The following TRPM8 variants were observed in gnomAD, a reference collection of about 807,000 sequenced individuals.
The protein encoded by TRPM8 is TRPM8 cationic channel.
TRPM8 carries 110 observed loss-of-function variants against 133.7 expected under a neutral mutation model. The ratio of observed to expected loss-of-function variants is 0.82; its 90% CI spans 0.70 to 0.96. The LOEUF (loss-of-function observed/expected upper bound fraction) is 0.96, where lower values mean the gene tolerates loss of function less well. Ranked by LOEUF, TRPM8 falls within the 40% of genes least tolerant of loss-of-function variation. TRPM8 has a pLI of 0.00. For missense variants in TRPM8, 1,291 were observed against 1,379.5 expected (o/e 0.94, Z 1.02); for synonymous variants, 535 against 532.3 (o/e 1.01, Z -0.07).
chr2:233,970,331 T>C lies in TRPM8; in HGVS notation c.2260T>C (p.Tyr754His), dbSNP rs1286988090. 1.9e-6 allele frequency: 3 copies of C among 1,614,206 alleles called. No homozygotes were observed. The highest frequency in any genetic ancestry group is 2.2e-5 in the South Asian group (2 of 91,080). Residue 754 changes from tyrosine (Y) to histidine (H), a missense_variant, in exon 17 of 26, where the codon TAC (tyrosine) becomes CAC (histidine). This residue lies in a region of TRPM8 where 963 missense variants were observed against 968.9 expected (regional missense o/e 0.99). Transcript: ENST00000324695. ...FYIAFLLLFAYVLLMDFHSVP... is the reference protein window; with the variant it reads ...FYIAFLLLFAHVLLMDFHSVP... Reference sequence around the variant, plus strand: ...CATCGCCTTCCTCCTGCTGTTTGCCTACGTGCTGCTCATGGATTTCCATTC... The same window carrying C: ...CATCGCCTTCCTCCTGCTGTTTGCCCACGTGCTGCTCATGGATTTCCATTC...
rs1692984409 is a variant in TRPM8 at position 234,017,447 on chromosome 2, G to A, written c.*191G>A. ...GTGTGTGATTGGTTTCATACTTGAA[G>A]ACGGATATAAAGGAAGAATATTTCC... On this transcript the variant is annotated 3_prime_UTR_variant, in exon 26 of 26. Coordinates refer to ENST00000324695, the MANE Select transcript of TRPM8 (RefSeq NM_024080.5). The A allele has an allele frequency of 2.2e-6, 1 of 455,010 alleles. No homozygotes were observed. Among genetic ancestry groups the A allele is most frequent in the Non-Finnish European group, 4.5e-6 (1 of 220,816 alleles). The allele number at this position is 455,010 out of a possible 1,614,324, so 28.2% of individuals were successfully genotyped here. A position where few individuals can be genotyped will look rare whatever the true frequency, so the allele number is the denominator to read the frequency against.
At position 233,939,061 on chromosome 2, in the gene TRPM8, C is replaced by A; in HGVS notation, c.412C>A (p.His138Asn). ...ILYELLTQHW[H>N]LKTPNLVISV... ...TTACGAGCTGCTGACCCAGCACTGG[C>A]ACCTGAAAACACCCAACCTGGTCAT... Residue 138 changes from histidine (H) to asparagine (N), a missense_variant, in exon 5 of 26, where the codon CAC becomes AAC. Coordinates refer to ENST00000324695, the MANE Select transcript of TRPM8 (RefSeq NM_024080.5). The A allele has an allele frequency of 6.2e-7, 1 of 1,614,240 alleles. No homozygotes were observed. Among genetic ancestry groups the A allele is most frequent in the Non-Finnish European group, 8.5e-7 (1 of 1,180,052 alleles).
chr2:233,977,944 A>T (rs1185327640), intron 17 of TRPM8, among the ~76,000 whole-genome samples: 1 of 152,248 alleles, frequency 6.6e-6, no homozygotes, highest in Non-Finnish European at 1.5e-5. Context: ...GTGGGACTAC[A>T]TAAAGAATAA....
chr2:234,006,716 C>A, intron 22 of TRPM8, 137 bp from the exon 23 acceptor site: 1 of 594,406 alleles, frequency 1.7e-6, no homozygotes, highest in Admixed American at 2.8e-5. Context: ...TAGGAAGTAA[C>A]ATCAGTCAAA....
chr2:233,946,000 G>A lies in TRPM8; in HGVS notation c.844G>A (p.Glu282Lys), dbSNP rs1377856101. ...CGAAGCAAAGCTCCGGAATCAGCTA[G>A]AGAAGTATATCTCTGAGCGCACTAT... ...TVEAKLRNQL[E>K]KYISERTIQD... is the part of the protein sequence containing the mutation. The change falls in exon 7 of 26, where the codon GAG becomes AAG. Residue 282 changes from glutamate (E) to lysine (K), a missense_variant. Glu to Lys is a moderately conservative substitution (Grantham distance 56). Transcript: ENST00000324695. The A allele has an allele frequency of 6.2e-7, 1 of 1,614,152 alleles. No homozygotes were observed. The highest frequency in any genetic ancestry group is 1.3e-5 in the African/African-American group (1 of 75,064).
intron 2 of TRPM8, among the ~76,000 whole-genome samples, chr2:233,927,912 C>CTTTCTTTCTT (rs1559516653): frequency 1.1e-4 from 3 of 28,326 alleles, no homozygotes; most frequent in East Asian, 1.3e-3. Context: ...CTTTCTTTCT[C>CTTTCTTTCTT]TCTCTCTCTC....
rs138993210 is a variant in TRPM8, at chr2:233,939,165, G to T, written c.516G>T (p.Ala172=). Residue 172 remains alanine, a synonymous_variant, in exon 5 of 26, where the codon GCG becomes GCT. Transcript: ENST00000324695. ...TCTTCAGCCGGCTCATCTACATCGC[G>T]CAGTCCAAAGGTGAGGGTGGGAGCA... The part of the protein sequence containing the change: ...RKIFSRLIYI[A]QSKGAWILTG... 6,490 of 1,614,016 alleles carry T rather than the reference G, an allele frequency of 4.0e-3. 24 individuals carry two copies. The highest frequency in any genetic ancestry group is 4.3e-3 in the Non-Finnish European group (5,019 of 1,180,034).
At chr2:233,998,031 G>T (rs115707855) in intron 22 of TRPM8, among the ~76,000 whole-genome samples, 28 of 152,280 alleles carry the variant, frequency 1.8e-4, no homozygotes, top group Non-Finnish European at 2.9e-4. Flanking sequence ...ATGCAGGGAG[G>T]AAGGGGCCTG....
Position 233,926,619 on chromosome 2 carries a change from G to A in TRPM8, c.82G>A (p.Ala28Thr), listed in dbSNP as rs199755852. ...LDSTRTLYSSASRSTDLSYSE... is the reference protein window; with the variant it reads ...LDSTRTLYSSTSRSTDLSYSE... Reference sequence around the variant, plus strand: ...CAGCACCCGGACCCTGTACTCCAGCGCGTCTCGGAGCACAGACTTGTCTTA... The same window carrying A: ...CAGCACCCGGACCCTGTACTCCAGCACGTCTCGGAGCACAGACTTGTCTTA... The change falls in exon 2 of 26, where the codon GCG (alanine) becomes ACG (threonine). Residue 28 changes from alanine to threonine, a missense_variant. This residue lies in a region of TRPM8 where 963 missense variants were observed against 968.9 expected (regional missense o/e 0.99). Transcript: ENST00000324695. 286 of 1,614,100 alleles carry A rather than the reference G, an allele frequency of 1.8e-4. No individual in the cohort carries two copies. Among genetic ancestry groups the A allele is most frequent in the Non-Finnish European group, 2.3e-4 (266 of 1,179,974 alleles).
intron 11 of TRPM8, among the ~76,000 whole-genome samples, chr2:233,959,325 C>CTTTTTTTTTT (rs778556639): frequency 9.4e-6 from 1 of 106,310 alleles, no homozygotes; most frequent in Non-Finnish European, 1.8e-5. Flanking sequence ...CTCGCCCAGC[C>CTTTTTTTTTT]TTTTTTTTTT....
intron 15 of TRPM8, among the ~76,000 whole-genome samples, chr2:233,968,862 G>C (rs1282815252): frequency 6.6e-6 from 1 of 152,080 alleles, no homozygotes; most frequent in Non-Finnish European, 1.5e-5. Context: ...GGTTGATACA[G>C]TCTGGGGAGA....
In TRPM8 at chr2:233,997,924, T is replaced by C. The variant is rs545855282; in HGVS notation, c.3130+1408T>C. Among the ~76,000 whole-genome samples the C allele has an allele frequency of 5.3e-5, 8 of 152,312 alleles. No homozygotes were observed. In the East Asian group the frequency reaches 1.5e-3, roughly 29 times the overall value. ...GGGAGCCAGCATCCAGCTCTCTTCC[T>C]GGCCCTGTAGGAAACCACATCAGGC... On this transcript the variant is annotated intron_variant, in intron 22 of 25. Transcript: ENST00000324695.
chr2:234,007,745 A>G (rs1692729212), intron 23 of TRPM8, among the ~76,000 whole-genome samples: 1 of 152,174 alleles, frequency 6.6e-6, no homozygotes, highest in Admixed American at 6.5e-5. Flanking sequence ...AACAGAGATG[A>G]TGTCATAAGC....
chr2:233,967,052 A>T (rs1691594966), intron 15 of TRPM8, among the ~76,000 whole-genome samples: 1 of 152,132 alleles, frequency 6.6e-6, no homozygotes, highest in African/African-American at 2.4e-5. Context: ...CATCCGCTGT[A>T]CCCCTAATGA....
At chr2:233,967,357 C>T (rs780253651) in intron 15 of TRPM8, among the ~76,000 whole-genome samples, 1 of 152,146 alleles carries the variant, frequency 6.6e-6, no homozygotes, top group Non-Finnish European at 1.5e-5. Flanking sequence ...ACCCACAGTT[C>T]CAGTTGTAGA....
intron 17 of TRPM8, among the ~76,000 whole-genome samples, chr2:233,979,195 AT>A (rs1156635413): frequency 6.6e-6 from 1 of 152,154 alleles, no homozygotes; most frequent in Non-Finnish European, 1.5e-5. Context: ...CTTTGATGTT[AT>A]TTCCCCGCCT....
Position 233,945,963 on chromosome 2 carries a change from AC to A in TRPM8, c.808del (p.His270IlefsTer12), listed in dbSNP as rs1310643487. ...TGCTCGTGGACAATGGCTGTCATGG[AC>A]ATCCCACTGTCGAAGCAAAGCTCCG... The part of the protein sequence containing the change: ...LLLVDNGCHG[H>X]PTVEAKLRNQ... On this transcript the variant is annotated frameshift_variant, in exon 7 of 26. Transcript: ENST00000324695. LOFTEE classifies it high-confidence loss of function. 1.9e-6 allele frequency: 3 copies of A among 1,614,154 alleles called. No individual in the cohort carries two copies. The highest frequency in any genetic ancestry group is 2.7e-5 in the African/African-American group (2 of 75,054).
At chr2:233,958,142 A>T (rs1691336859) in intron 11 of TRPM8, among the ~76,000 whole-genome samples, 1 of 152,172 alleles carries the variant, frequency 6.6e-6, no homozygotes. Flanking sequence ...GTGGTTATTA[A>T]ATCAGGGCTC....
chr2:233,930,262 A>G (rs530439399), intron 2 of TRPM8, among the ~76,000 whole-genome samples: 136 of 152,354 alleles, frequency 8.9e-4, no homozygotes, highest in African/African-American at 3.1e-3. Context: ...AAATACATTT[A>G]TGAACGGTTT....
Sources: gnomAD v4.1 joint callset for allele counts (sites outside exome capture counted in the v4.1 genomes callset) on GRCh38, gnomAD v4.1.1 for gene constraint, gnomAD v4.1.1 regional missense constraint, MANE v1.5 for transcripts, NCBI Gene and HGNC (gene_info 2026-07-23, HGNC 2026-07-21) for gene names.